The following TPO variants were observed in gnomAD, a reference collection of about 807,000 sequenced individuals.
The protein encoded by TPO is thyroid peroxidase.
A neutral mutation model predicts 96.9 loss-of-function variants in TPO; 78 were observed. The observed-to-expected ratio is 0.81, with a 90% CI of 0.67 to 0.97. TPO has a LOEUF of 0.97. Ranked by LOEUF, TPO falls within the 50% of genes least tolerant of loss-of-function variation. The pLI is 0.00. For missense variants in TPO, 1,252 were observed against 1,274.8 expected, an observed-to-expected ratio of 0.98 and a Z score of 0.27; for synonymous variants, 547 against 538.0, an observed-to-expected ratio of 1.02 and a Z score of -0.23.
At chr2:1,438,343 C>A (rs570180598) in intron 5 of TPO, among the ~76,000 whole-genome samples, 82 of 152,268 alleles carry the variant, frequency 5.4e-4, no homozygotes, top group African/African-American at 1.9e-3. Flanking sequence ...GTTTTCAACA[C>A]CTCTAGCGTG....
At chr2:1,541,963 G>A in intron 16 of TPO, 1 of 197,758 alleles carries the variant, frequency 5.1e-6, no homozygotes, top group Non-Finnish European at 1.0e-5. Context: ...TGGCTCCCAC[G>A]CATGGAACCA....
intron 16 of TPO, chr2:1,542,036 G>A (rs1349724223): frequency 1.8e-5 from 5 of 279,922 alleles, no homozygotes; most frequent in African/African-American, 1.1e-4. Flanking sequence ...GCCACAGCAA[G>A]GGCAGTGCCA....
chr2:1,531,594 A>T (rs1193496383), intron 15 of TPO, among the ~76,000 whole-genome samples: 45 of 81,464 alleles, frequency 5.5e-4, no homozygotes, highest in African/African-American at 2.0e-3. Context: ...ACCGCCCCAT[A>T]TCCCCCCCAC....
chr2:1,379,490 G>A (rs1264578445), intron 1 of TPO, among the ~76,000 whole-genome samples: 1 of 152,134 alleles, frequency 6.6e-6, no homozygotes, highest in Non-Finnish European at 1.5e-5. Flanking sequence ...GAAGGGAGCC[G>A]TGGAATGCAG....
At chr2:1,523,560 A>C (rs893286882) in intron 15 of TPO, among the ~76,000 whole-genome samples, 2,406 of 17,870 alleles carry the variant, frequency 0.13, no homozygotes, top group East Asian at 0.16. Flanking sequence ...CCAAATCCCC[A>C]CCACTCTGTG....
chr2:1,456,200 A>C lies in TPO; in HGVS notation c.737A>C (p.Gln246Pro), dbSNP rs1236912257. 2 of 1,614,150 alleles carry C rather than the reference A, an allele frequency of 1.2e-6. No homozygotes were observed. The highest frequency in any genetic ancestry group is 8.5e-7 in the Non-Finnish European group (1 of 1,180,050). Reference sequence around the variant, plus strand: ...GACCACGACATCGCGTTCACACCACAGAGCACCAGCAAAGCTGCCTTCGGG... The same window carrying C: ...GACCACGACATCGCGTTCACACCACCGAGCACCAGCAAAGCTGCCTTCGGG... The part of the protein sequence containing the change: ...YIDHDIAFTP[Q>P]STSKAAFGGG... The change falls in exon 7 of 17, where the codon CAG becomes CCG. Residue 246 changes from glutamine (Q) to proline (P), a missense_variant. Transcript: ENST00000329066.
intron 13 of TPO, among the ~76,000 whole-genome samples, chr2:1,499,334 C>T (rs935221322): frequency 2.6e-5 from 4 of 152,190 alleles, no homozygotes; most frequent in African/African-American, 9.7e-5. Context: ...CCATCCTATG[C>T]CATCAAAATC....
At chr2:1,458,510 C>A (rs1369850592) in intron 7 of TPO, among the ~76,000 whole-genome samples, 3 of 151,420 alleles carry the variant, frequency 2.0e-5, no homozygotes, top group South Asian at 4.2e-4. Context: ...AGTTTGTGGG[C>A]ACATGTGTAT....
At position 1,393,875 on chromosome 2, in the gene TPO, A is replaced by C. The variant is rs148285625; in HGVS notation, n.180+19473A>C. Among the ~76,000 whole-genome samples, 25 of 152,364 alleles carry C rather than the reference A, an allele frequency of 1.6e-4. No homozygotes were observed. The East Asian group carries it at 4.6e-3, about 28-fold the overall frequency. ...ACTTCTTCTTTACGCATTTATTGCT[A>C]TAAGGACACTATCTGAAAAGTGGAG... On this transcript the variant is annotated intron_variant and non_coding_transcript_variant, in intron 1 of 5. Coordinates refer to the TPO transcript ENST00000497517.
chr2:1,503,830 G>T, intron 13 of TPO, 118 bp from the exon 14 acceptor site: 1 of 1,583,704 alleles, frequency 6.3e-7, no homozygotes. Context: ...GACCAGGTGG[G>T]ATGGCAGGCA....
intron 10 of TPO, among the ~76,000 whole-genome samples, chr2:1,493,169 C>T (rs1292006444): frequency 2.5e-5 from 3 of 120,772 alleles, no homozygotes; most frequent in Non-Finnish European, 4.8e-5. Context: ...GATGAGTGGC[C>T]AGACAGATAA....
chr2:1,505,020 G>A (rs1321090316), intron 14 of TPO, among the ~76,000 whole-genome samples: 1 of 152,184 alleles, frequency 6.6e-6, no homozygotes, highest in Non-Finnish European at 1.5e-5. Flanking sequence ...GCATTGAGGA[G>A]CTTCTGCTAA....
intron 1 of TPO, among the ~76,000 whole-genome samples, chr2:1,381,320 C>CA (rs1304882212): frequency 1.3e-5 from 2 of 152,126 alleles, no homozygotes; most frequent in Non-Finnish European, 2.9e-5. Context: ...AAGAAAAAAA[C>CA]AACCCCATCA....
chr2:1,531,270 T>C (rs1208956035), intron 15 of TPO, among the ~76,000 whole-genome samples: 1 of 80,656 alleles, frequency 1.2e-5, no homozygotes, highest in East Asian at 3.2e-4. Context: ...GTGTGGACCC[T>C]TCTCAAATCC....
At chr2:1,521,798 A>G (rs1675297862) in intron 15 of TPO, among the ~76,000 whole-genome samples, 1 of 151,764 alleles carries the variant, frequency 6.6e-6, no homozygotes, top group Non-Finnish European at 1.5e-5. Flanking sequence ...CTCCTTAGAG[A>G]CCCACGTCTG....
intron 3 of TPO, 34 bp from the exon 4 acceptor site, chr2:1,433,404 A>G: frequency 1.2e-6 from 2 of 1,611,820 alleles, no homozygotes; most frequent in Non-Finnish European, 1.7e-6. Flanking sequence ...CCATAGACAA[A>G]TAATCTATTT....
intron 15 of TPO, among the ~76,000 whole-genome samples, chr2:1,519,305 A>G (rs888237231): frequency 1.3e-5 from 2 of 152,340 alleles, no homozygotes; most frequent in East Asian, 3.9e-4. Flanking sequence ...TTACTTGCTC[A>G]AAGCTGGTAG....
rs568397230 is a variant in TPO at position 1,470,997 on chromosome 2, A to T, written c.820-6089A>T. On this transcript the variant is annotated intron_variant, in intron 7 of 16. Coordinates refer to ENST00000329066, the MANE Select transcript of TPO (RefSeq NM_001206744.2). ...ATTTATTCTTGGATTGAATTTGCTAATATTTTATTTGAAATGTTGCCTCTC... is the reference window on the plus strand; with the variant it reads ...ATTTATTCTTGGATTGAATTTGCTATTATTTTATTTGAAATGTTGCCTCTC... 6.6e-5 allele frequency among the ~76,000 whole-genome samples: 10 copies of T among 152,338 alleles called. 1 individual carries two copies. The highest frequency in any genetic ancestry group is 3.4e-3 in the Middle Eastern group (1 of 294).
intron 6 of TPO, among the ~76,000 whole-genome samples, chr2:1,454,120 A>G (rs541758775): frequency 6.6e-6 from 1 of 152,320 alleles, no homozygotes; most frequent in Admixed American, 6.5e-5. Flanking sequence ...AAATTCCTTT[A>G]TCCATCATGT....
Sources: gnomAD v4.1 joint callset for allele counts (sites outside exome capture counted in the v4.1 genomes callset) on GRCh38, gnomAD v4.1.1 for gene constraint, MANE v1.5 for transcripts, NCBI Gene and HGNC (gene_info 2026-07-23, HGNC 2026-07-21) for gene names.